The following SHLD1 variants were observed in gnomAD, a reference collection of about 807,000 sequenced individuals.
The protein encoded by SHLD1 is RINN1-REV7-interacting novel NHEJ regulator 3.
Under a neutral mutation model 5.5 loss-of-function variants are expected in SHLD1, and 3 were observed. That is an observed-to-expected ratio of 0.54 (90% confidence interval 0.25 to 1.40). The LOEUF is 1.40. Ranked by LOEUF, SHLD1 falls within the 40% of genes most tolerant of loss-of-function variation. The probability of loss-of-function intolerance (pLI) is 0.15; values close to 1 mark genes in which losing one functional copy is unlikely to be tolerated. For synonymous variants in SHLD1, 92 were observed against 94.3 expected, an observed-to-expected ratio of 0.98 and a Z score of 0.14; for missense variants, 210 against 244.4, an observed-to-expected ratio of 0.86 and a Z score of 0.94.
At chr20:5,782,848 T>A (rs1600116631) in intron 2 of SHLD1, among the ~76,000 whole-genome samples, 2 of 152,346 alleles carry the variant, frequency 1.3e-5, no homozygotes, top group African/African-American at 4.8e-5. Context: ...TATAAGCTCT[T>A]AGATAAAAAA....
chr20:5,849,099 C>T (rs1568530593), intron 2 of SHLD1, among the ~76,000 whole-genome samples: 2 of 152,136 alleles, frequency 1.3e-5, no homozygotes, highest in South Asian at 4.1e-4. Flanking sequence ...ATATATGAAT[C>T]GTGGAAGGCA....
intron 2 of SHLD1, among the ~76,000 whole-genome samples, chr20:5,777,743 T>C (rs4815852): frequency 3.3e-5 from 5 of 151,774 alleles, no homozygotes; most frequent in Middle Eastern, 3.4e-3. Flanking sequence ...AAAATCACAT[T>C]GTTATTGGAA....
intron 1 of SHLD1, chr20:5,756,737 G>C (rs1235150338): frequency 4.5e-6 from 1 of 220,980 alleles, no homozygotes; most frequent in Non-Finnish European, 9.2e-6. Flanking sequence ...TGTAGCCCAA[G>C]CTGGAGTACA....
intron 2 of SHLD1, among the ~76,000 whole-genome samples, chr20:5,838,735 G>A (rs1280738877): frequency 2.0e-5 from 3 of 152,154 alleles, no homozygotes; most frequent in African/African-American, 4.8e-5. Context: ...CTGAGACGGC[G>A]CCACTGCACT....
chr20:5,833,192 C>T (rs1030347476), intron 2 of SHLD1, among the ~76,000 whole-genome samples: 24 of 152,150 alleles, frequency 1.6e-4, no homozygotes, highest in Non-Finnish European at 2.6e-4. Flanking sequence ...TTTTTTTCCA[C>T]GAGACTCCTC....
rs184632780 is a variant in SHLD1 at position 5,820,334 on chromosome 20, C to T, written c.179-42690C>T. Among the ~76,000 whole-genome samples, 365 of 152,334 alleles carry T rather than the reference C, an allele frequency of 2.4e-3. 2 individuals carry two copies. The highest frequency in any genetic ancestry group is 0.017 in the Middle Eastern group (5 of 294). On this transcript the variant is annotated intron_variant, in intron 2 of 2. Transcript: ENST00000303142. ...CCATGCTACGCCAATAAACACTCAA[C>T]GGATACTCAACGGATACAAAAGAGT...
intron 1 of SHLD1, among the ~76,000 whole-genome samples, chr20:5,760,498 G>A (rs902223222): frequency 1.3e-5 from 2 of 152,022 alleles, no homozygotes; most frequent in African/African-American, 4.8e-5. Context: ...TTCATGACCA[G>A]CCTGACCAAC....
chr20:5,753,945 C>T (rs965968771), intron 1 of SHLD1, among the ~76,000 whole-genome samples: 4 of 152,142 alleles, frequency 2.6e-5, no homozygotes, highest in Non-Finnish European at 5.9e-5. Flanking sequence ...AAACACACTC[C>T]TTGTGTGTTA....
At chr20:5,800,619 C>T (rs888861291) in intron 2 of SHLD1, among the ~76,000 whole-genome samples, 30 of 151,818 alleles carry the variant, frequency 2.0e-4, no homozygotes, top group East Asian at 9.7e-4. Context: ...GAACCTGGGG[C>T]GGAGGTTGCA....
At chr20:5,779,979 T>TG (rs1259481065) in intron 2 of SHLD1, among the ~76,000 whole-genome samples, 1 of 139,704 alleles carries the variant, frequency 7.2e-6, no homozygotes, top group African/African-American at 2.7e-5. Flanking sequence ...TCTGTTTTTT[T>TG]TTTTTTTTTT....
rs936137501 is a variant in SHLD1 at position 5,808,952 on chromosome 20, G to A, written c.178+35909G>A. Among the ~76,000 whole-genome samples the A allele has an allele frequency of 2.6e-5, 4 of 152,242 alleles. No homozygotes were observed. In the East Asian group the frequency reaches 7.7e-4, roughly 29 times the overall value. On this transcript the variant is annotated intron_variant, in intron 2 of 2. Transcript: ENST00000303142. ...AATTCACAGTAAAGTGTTTGTTTTA[G>A]AACATCAAATTAATATGCCATGAAG...
intron 1 of SHLD1, chr20:5,771,930 A>G (rs1356195508): frequency 2.9e-6 from 1 of 339,906 alleles, no homozygotes; most frequent in Non-Finnish European, 5.7e-6. Context: ...GCTGGAGTGC[A>G]ATAGCACGGT....
At chr20:5,800,629 A>G (rs574572782) in intron 2 of SHLD1, among the ~76,000 whole-genome samples, 49 of 152,252 alleles carry the variant, frequency 3.2e-4, no homozygotes, top group Admixed American at 5.9e-4. Flanking sequence ...CGGAGGTTGC[A>G]GTGAGCCAAG....
intron 1 of SHLD1, among the ~76,000 whole-genome samples, chr20:5,764,137 A>ATATATATATATATATATAT (rs1450130967): frequency 1.0e-5 from 1 of 95,862 alleles, no homozygotes; most frequent in African/African-American, 4.8e-5. Context: ...AAAAAAAAAA[A>ATATATATATATATATATAT]AAATATATAT....
Position 5,863,334 on chromosome 20 carries a change from T to C in SHLD1, c.489T>C (p.His163=). The C allele has an allele frequency of 6.2e-7, 1 of 1,614,240 alleles. No homozygotes were observed. Residue 163 remains histidine (H), a synonymous_variant, in exon 3 of 3, where the codon CAT becomes CAC. Coordinates refer to ENST00000303142, the MANE Select transcript of SHLD1 (RefSeq NM_152504.4). ...ACGGCTGCTCCGTCTTACAGAGGCA[T>C]TCCAGGGACACCCACTTCTACCCAC... is the stretch of plus-strand genomic sequence containing the variant. ...NRDGCSVLQR[H]SRDTHFYPLE...
chr20:5,802,330 C>T (rs6139837), intron 2 of SHLD1, among the ~76,000 whole-genome samples: 33,158 of 152,108 alleles, frequency 0.22, 4,001 homozygotes, highest in Middle Eastern at 0.32. Context: ...TGGATTGGGT[C>T]TCTTGAGACA....
chr20:5,775,923 ATTTTTTT>A (rs533313849), intron 2 of SHLD1, among the ~76,000 whole-genome samples: 12 of 77,686 alleles, frequency 1.5e-4, no homozygotes, highest in African/African-American at 4.8e-4. Flanking sequence ...TCAGCTCAGG[ATTTTTTT>A]TTTTTTTTTT....
Position 5,844,770 on chromosome 20 carries a change from C to CATATATAT in SHLD1, c.179-18231_179-18224dup, listed in dbSNP as rs150675433. 6.3e-4 allele frequency among the ~76,000 whole-genome samples: 64 copies of CATATATAT among 101,036 alleles called. 1 individual carries two copies. Among genetic ancestry groups the CATATATAT allele is most frequent in the East Asian group, 3.9e-3 (12 of 3,084 alleles). 66.3% of individuals were successfully genotyped at this position (101,036 alleles called of 152,430 possible). On this transcript the variant is annotated intron_variant, in intron 2 of 2. Transcript: ENST00000303142. ...ATAATATCTATCACTGTGTAGTAGA[C>CATATATAT]ATATATATATATATATATATATATA...
intron 2 of SHLD1, among the ~76,000 whole-genome samples, chr20:5,774,838 G>T (rs189870793): frequency 6.6e-5 from 10 of 152,176 alleles, no homozygotes; most frequent in Admixed American, 2.0e-4. Context: ...CCATATCACT[G>T]ACCAAGAATT....
Sources: allele counts gnomAD v4.1 joint callset (sites outside exome capture counted in the v4.1 genomes callset), GRCh38; gene constraint gnomAD v4.1.1; transcripts MANE v1.5; gene names NCBI Gene and HGNC (gene_info 2026-07-23, HGNC 2026-07-21).